PPEF2: variants seen among roughly 807,000 people sequenced by gnomAD.
PPEF2 encodes the protein protein phosphatase with EF-hand domain 2.
Under a neutral mutation model 84.7 loss-of-function variants are expected in PPEF2, and 84 were observed. The observed-to-expected ratio is 0.99, with a 90% confidence interval of 0.83 to 1.19. PPEF2 has a LOEUF of 1.19. Among genes scored for constraint, PPEF2 ranks in the 50% most tolerant of loss-of-function variants. The pLI is 0.00. For missense variants in PPEF2, 924 were observed against 937.5 expected, an observed-to-expected ratio of 0.99 and a Z score of 0.19; for synonymous variants, 346 against 345.2, an observed-to-expected ratio of 1.00 and a Z score of -0.03.
chr4:75,902,180 C>T (rs778694464), intron 1 of PPEF2, 50 bp downstream of exon 1: 14 of 152,178 alleles, frequency 9.2e-5, no homozygotes, highest in Non-Finnish European at 1.8e-4. Context: ...ATAAGTGTCG[C>T]CCTCCTGTTC....
Position 75,873,102 on chromosome 4 carries a change from G to A in PPEF2, c.1506+25C>T, listed in dbSNP as rs756657048. On this transcript the variant is annotated intron_variant, in intron 12 of 16. Coordinates refer to ENST00000286719, the MANE Select transcript of PPEF2 (RefSeq NM_006239.3). ...GACTACTTTGGTGACACACAAGCCTGTACTGCTGCAGAGGGAGCACCCACC... is the reference window on the plus strand; with the variant it reads ...GACTACTTTGGTGACACACAAGCCTATACTGCTGCAGAGGGAGCACCCACC... 4 of 1,599,938 alleles carry A rather than the reference G, an allele frequency of 2.5e-6. No individual in the cohort carries two copies. The Admixed American group carries it at 6.7e-5, about 27-fold the overall frequency.
At chr4:75,862,444 CA>C (rs1724029484) in intron 16 of PPEF2, among the ~76,000 whole-genome samples, 1 of 151,642 alleles carries the variant, frequency 6.6e-6, no homozygotes, top group South Asian at 2.1e-4. Flanking sequence ...ATAACTCTTA[CA>C]ACTCAAATAA....
At chr4:75,882,484 C>T (rs911965219) in intron 10 of PPEF2, among the ~76,000 whole-genome samples, 2 of 151,692 alleles carry the variant, frequency 1.3e-5, no homozygotes, top group Admixed American at 6.6e-5. Context: ...ACATGGTAGA[C>T]ATGACTAAGT....
intron 6 of PPEF2, among the ~76,000 whole-genome samples, chr4:75,887,272 C>A (rs1481051104): frequency 1.3e-5 from 2 of 152,132 alleles, no homozygotes; most frequent in African/African-American, 4.8e-5. Flanking sequence ...ACTTTTAAAG[C>A]AAAATCTAGA....
chr4:75,891,433 T>G (rs1321397486), intron 4 of PPEF2, among the ~76,000 whole-genome samples: 1 of 152,128 alleles, frequency 6.6e-6, no homozygotes, highest in East Asian at 1.9e-4. Context: ...TTCTTGAACT[T>G]AATAAATGAA....
At chr4:75,873,376 A>G (rs1724332474) in intron 11 of PPEF2, 64 bp from the exon 12 acceptor site, 1 of 1,414,834 alleles carries the variant, frequency 7.1e-7, no homozygotes, top group Non-Finnish European at 9.7e-7. Flanking sequence ...ACAGTCATTC[A>G]AATGAAAGGA....
intron 16 of PPEF2, among the ~76,000 whole-genome samples, chr4:75,861,883 A>G (rs2149212331): frequency 6.7e-6 from 1 of 148,776 alleles, no homozygotes; most frequent in Non-Finnish European, 1.5e-5. Flanking sequence ...TGCTGGGATT[A>G]CAGGCGTGAG....
intron 8 of PPEF2, among the ~76,000 whole-genome samples, chr4:75,884,030 G>A (rs1448365669): frequency 1.3e-5 from 2 of 152,050 alleles, no homozygotes; most frequent in South Asian, 2.1e-4. Flanking sequence ...CTACTTGGGA[G>A]GCAGAGGCAG....
At chr4:75,885,955 G>A (rs993852087) in intron 7 of PPEF2, among the ~76,000 whole-genome samples, 13 of 151,978 alleles carry the variant, frequency 8.6e-5, no homozygotes, top group Admixed American at 5.9e-4. Flanking sequence ...GTTGCAGTGA[G>A]CCGAGATCGT....
chr4:75,869,184 C>T (rs531182891), intron 13 of PPEF2, among the ~76,000 whole-genome samples: 1 of 152,340 alleles, frequency 6.6e-6, no homozygotes, highest in South Asian at 2.1e-4. Flanking sequence ...TTAAGCTGCT[C>T]CTGGTAATCT....
rs1724405330 is a variant in PPEF2 at position 75,876,295 on chromosome 4, A to G, written c.1312T>C (p.Trp438Arg). 6.2e-7 allele frequency: 1 copy of G among 1,602,194 alleles called. No homozygotes were observed. Among genetic ancestry groups the G allele is most frequent in the South Asian group, 1.1e-5 (1 of 89,608 alleles). Reference protein sequence around the residue: ...GELRKPTQEEWRQVVDILWSD... With the variant: ...GELRKPTQEERRQVVDILWSD... The stretch of plus-strand genomic sequence containing the variant: ...CGCCTGGCCACGCTCACCTGCCTCC[A>G]CTCCTCCTGAGTGGGCTTCCGCAGC... Residue 438 changes from tryptophan (W) to arginine (R), a missense_variant, in exon 11 of 17, where the codon TGG becomes CGG. Physicochemically the swap from Trp to Arg is moderately radical, Grantham distance 101 (BLOSUM62 -3). Transcript: ENST00000286719.
At position 75,896,270 on chromosome 4, in the gene PPEF2, C is replaced by A. The variant is rs1725007551; in HGVS notation, c.55+1G>T. 1 of 1,614,010 alleles carries A rather than the reference C, an allele frequency of 6.2e-7. No individual in the cohort carries two copies. The highest frequency in any genetic ancestry group is 1.7e-5 in the Admixed American group (1 of 60,024). The stretch of plus-strand genomic sequence containing the variant: ...TGGTTTGGAAAGTGGGAAACACGTA[C>A]CTCTCTCTGCATTCTGGAAAGCAAA... On this transcript the variant is annotated splice_donor_variant, in intron 2 of 16. Transcript: ENST00000286719. LOFTEE classifies it high-confidence loss of function.
intron 6 of PPEF2, 55 bp from the exon 7 acceptor site, chr4:75,886,953 G>A (rs916890743): frequency 9.4e-6 from 9 of 952,780 alleles, no homozygotes; most frequent in South Asian, 1.9e-5. Context: ...CAGTGCTTCT[G>A]ATTTTTATTA....
chr4:75,891,769 C>T, intron 3 of PPEF2, 64 bp from the exon 4 acceptor site: 2 of 1,595,840 alleles, frequency 1.3e-6, no homozygotes, highest in South Asian at 2.3e-5. Context: ...ACAAGTAGTC[C>T]AGTTGGCCTC....
chr4:75,876,439 C>T lies in PPEF2; in HGVS notation c.1168G>A (p.Val390Met). Residue 390 changes from valine (V) to methionine (M), a missense_variant, in exon 11 of 17, where the codon GTG (valine) becomes ATG (methionine). Coordinates refer to ENST00000286719, the MANE Select transcript of PPEF2 (RefSeq NM_006239.3). ...SLDGRELSRQVRSSVELELER... is the reference protein window; with the variant it reads ...SLDGRELSRQMRSSVELELER... ...AGCTCCAGTTCCACGGAGCTCCGCA[C>T]CTGCCGGGAGAGCTCCCGCCCGTCC... is the stretch of plus-strand genomic sequence containing the variant. 1.2e-6 allele frequency: 2 copies of T among 1,614,148 alleles called. No homozygotes were observed. Among genetic ancestry groups the T allele is most frequent in the South Asian group, 2.2e-5 (2 of 91,074 alleles).
chr4:75,863,556 T>C (rs915075965), intron 16 of PPEF2, among the ~76,000 whole-genome samples: 1 of 152,038 alleles, frequency 6.6e-6, no homozygotes, highest in African/African-American at 2.4e-5. Context: ...TACACAATCT[T>C]GTGACTATAC....
chr4:75,891,279 A>G (rs72651349), intron 4 of PPEF2, among the ~76,000 whole-genome samples: 3,817 of 152,024 alleles, frequency 0.025, 61 homozygotes, highest in African/African-American at 0.032. Context: ...TGGAGTTGAC[A>G]CAGAAAAACT....
chr4:75,896,049 A>G (rs758906880), intron 2 of PPEF2, among the ~76,000 whole-genome samples: 5 of 152,172 alleles, frequency 3.3e-5, no homozygotes, highest in East Asian at 1.9e-4. Flanking sequence ...ATCAACCCCA[A>G]TGGACAACAC....
chr4:75,887,203 A>C (rs755498784), intron 6 of PPEF2, among the ~76,000 whole-genome samples: 3 of 152,250 alleles, frequency 2.0e-5, no homozygotes, highest in African/African-American at 7.2e-5. Flanking sequence ...GATTTTGCCC[A>C]CGTTAAACTA....
Sources: allele counts gnomAD v4.1 joint callset (sites outside exome capture counted in the v4.1 genomes callset), GRCh38; gene constraint gnomAD v4.1.1; transcripts MANE v1.5; gene names NCBI Gene and HGNC (gene_info 2026-07-23, HGNC 2026-07-21).